Variants in LMNTD1 observed in about 807,000 individuals in gnomAD.
LMNTD1 encodes lamin tail domain containing 1.
LMNTD1 carries 35 observed loss-of-function variants against 50.9 expected under a neutral mutation model. The observed-to-expected ratio is 0.69, with a 90% CI of 0.53 to 0.91. The LOEUF (loss-of-function observed/expected upper bound fraction) is 0.91. Among genes scored for constraint, LMNTD1 ranks in the 40% least tolerant of loss-of-function variants. The pLI is 0.00. For synonymous variants in LMNTD1, 153 were observed against 161.9 expected (o/e 0.94, Z 0.42); for missense variants, 470 against 475.5 (o/e 0.99, Z 0.11).
At chr12:25,514,627 A>G (rs1183002549) in intron 8 of LMNTD1, among the ~76,000 whole-genome samples, 2 of 152,074 alleles carry the variant, frequency 1.3e-5, no homozygotes, top group Non-Finnish European at 2.9e-5. Context: ...TACAGTCAAT[A>G]ATAACTTAAT....
intron 1 of LMNTD1, among the ~76,000 whole-genome samples, chr12:25,561,561 C>A (rs1229454064): frequency 6.6e-6 from 1 of 152,110 alleles, no homozygotes; most frequent in Non-Finnish European, 1.5e-5. Context: ...TTACTTTCAA[C>A]TATGTGGTCA....
intron 1 of LMNTD1, among the ~76,000 whole-genome samples, chr12:25,582,247 A>G (rs79417274): frequency 6.6e-6 from 1 of 152,196 alleles, no homozygotes; most frequent in Admixed American, 6.5e-5. Flanking sequence ...CACATTTTCT[A>G]CAGCCACAAA....
chr12:25,567,817 AT>A (rs1232983439), intron 1 of LMNTD1, among the ~76,000 whole-genome samples: 1 of 147,080 alleles, frequency 6.8e-6, no homozygotes, highest in Non-Finnish European at 1.5e-5. Context: ...AGGCTGCAGA[AT>A]TGTGAGCCAA....
chr12:25,570,972 T>C lies in LMNTD1; in HGVS notation c.59-24418A>G, dbSNP rs1001164976. Among the ~76,000 whole-genome samples, 7 of 152,318 alleles carry C rather than the reference T, an allele frequency of 4.6e-5. No individual in the cohort carries two copies. The East Asian group carries it at 1.2e-3, about 25-fold the overall frequency. On this transcript the variant is annotated intron_variant, in intron 1 of 7. Transcript: ENST00000445693. ...AATGCTGAGCAGCCTTAACAAATCATGTTTAAAAGTACACCCAGGGCCCAC... is the reference window on the plus strand; with the variant it reads ...AATGCTGAGCAGCCTTAACAAATCACGTTTAAAAGTACACCCAGGGCCCAC...
chr12:25,601,738 C>T (rs1175796957), intron 1 of LMNTD1, among the ~76,000 whole-genome samples: 1 of 151,898 alleles, frequency 6.6e-6, no homozygotes, highest in Non-Finnish European at 1.5e-5. Context: ...CCTTATGCTT[C>T]ACAATTGCTG....
chr12:25,489,505 C>A (rs1938810588), intron 9 of LMNTD1, among the ~76,000 whole-genome samples: 1 of 139,434 alleles, frequency 7.2e-6, no homozygotes. Flanking sequence ...GTGCGCGCAC[C>A]CGCTGACCTG....
chr12:25,568,252 GT>G (rs1357991963), intron 1 of LMNTD1, among the ~76,000 whole-genome samples: 2 of 152,226 alleles, frequency 1.3e-5, no homozygotes, highest in Non-Finnish European at 2.9e-5. Flanking sequence ...ATGACTTAGA[GT>G]ATCTGTTGGA....
intron 1 of LMNTD1, among the ~76,000 whole-genome samples, chr12:25,643,085 C>T (rs930463572): frequency 6.6e-6 from 1 of 152,136 alleles, no homozygotes; most frequent in Non-Finnish European, 1.5e-5. Context: ...ATAAGCTTCT[C>T]TAAGATCTTA....
chr12:25,637,244 A>G (rs1946855112), intron 1 of LMNTD1, among the ~76,000 whole-genome samples: 1 of 152,198 alleles, frequency 6.6e-6, no homozygotes, highest in Admixed American at 6.5e-5. Flanking sequence ...AGGTGGGGAA[A>G]GAAAGCAAGC....
intron 8 of LMNTD1, among the ~76,000 whole-genome samples, chr12:25,514,544 G>GATGGTTA (rs1338095509): frequency 8.6e-6 from 1 of 116,468 alleles, no homozygotes. Flanking sequence ...GGGAGGTAAG[G>GATGGTTA]ATGGTTAATG....
intron 4 of LMNTD1, among the ~76,000 whole-genome samples, chr12:25,541,268 A>G (rs562877427): frequency 7.0e-5 from 6 of 85,808 alleles, no homozygotes; most frequent in African/African-American, 1.6e-4. Flanking sequence ...CGCATCACCA[A>G]TTCAATCCTA....
At chr12:25,479,974 C>T (rs1425652931) in intron 9 of LMNTD1, among the ~76,000 whole-genome samples, 1 of 152,186 alleles carries the variant, frequency 6.6e-6, no homozygotes, top group Non-Finnish European at 1.5e-5. Flanking sequence ...CCATCCCTGC[C>T]ACCATGACAA....
chr12:25,515,673 G>T (rs970613612), intron 8 of LMNTD1, among the ~76,000 whole-genome samples: 2 of 152,004 alleles, frequency 1.3e-5, no homozygotes, highest in Non-Finnish European at 2.9e-5. Context: ...ATTTTAACAT[G>T]TTTTTAAAAA....
chr12:25,521,156 G>A (rs1445299443), intron 6 of LMNTD1, among the ~76,000 whole-genome samples: 2 of 151,908 alleles, frequency 1.3e-5, no homozygotes, highest in African/African-American at 4.8e-5. Flanking sequence ...TTTCCCAGTC[G>A]GTAGGGTGCT....
intron 4 of LMNTD1, among the ~76,000 whole-genome samples, chr12:25,542,967 A>T (rs1943196311): frequency 6.6e-6 from 1 of 151,888 alleles, no homozygotes; most frequent in African/African-American, 2.4e-5. Flanking sequence ...AAGATTCTAC[A>T]GTTCTTAAAA....
At chr12:25,478,074 C>T (rs1689502676) in intron 9 of LMNTD1, among the ~76,000 whole-genome samples, 1 of 152,090 alleles carries the variant, frequency 6.6e-6, no homozygotes, top group Admixed American at 6.5e-5. Context: ...AGATTGTGCC[C>T]ACCCACCCAG....
chr12:25,594,220 G>GA (rs1456298145), intron 1 of LMNTD1, among the ~76,000 whole-genome samples: 1 of 152,130 alleles, frequency 6.6e-6, no homozygotes, highest in Admixed American at 6.5e-5. Context: ...GAACACCTGG[G>GA]AAAATCATTG....
chr12:25,583,977 G>A (rs1945415371), intron 1 of LMNTD1, among the ~76,000 whole-genome samples: 1 of 152,224 alleles, frequency 6.6e-6, no homozygotes, highest in South Asian at 2.1e-4. Context: ...CAGAGAAGAT[G>A]AGACTGCTTC....
At chr12:25,551,714 G>A (rs1385763395) in intron 2 of LMNTD1, among the ~76,000 whole-genome samples, 2 of 152,142 alleles carry the variant, frequency 1.3e-5, no homozygotes, top group Non-Finnish European at 2.9e-5. Context: ...TCTAATGGCT[G>A]CACACATCTT....
Sources: allele counts gnomAD v4.1 joint callset (sites outside exome capture counted in the v4.1 genomes callset), GRCh38; gene constraint gnomAD v4.1.1; transcripts MANE v1.5; gene names NCBI Gene and HGNC (gene_info 2026-07-23, HGNC 2026-07-21).